The following RARRES2 variants were observed in gnomAD, a reference collection of about 807,000 sequenced individuals.
RARRES2 encodes the protein retinoic acid receptor responder 2, also known as retinoic acid receptor responder protein 2.
In RARRES2, 12 loss-of-function variants were observed where a neutral mutation model predicts 17.9. That is an observed-to-expected ratio of 0.67 (90% CI 0.43 to 1.08). The LOEUF (loss-of-function observed/expected upper bound fraction) is 1.08, where lower values mean the gene tolerates loss of function less well. Among genes scored for constraint, RARRES2 ranks in the 50% least tolerant of loss-of-function variants. The pLI, the probability that RARRES2 is intolerant of heterozygous loss-of-function variation, is 0.00. For synonymous variants in RARRES2, 82 were observed against 86.8 expected, an observed-to-expected ratio of 0.94 and a Z score of 0.31; for missense variants, 220 against 210.1, an observed-to-expected ratio of 1.05 and a Z score of -0.29.
intron 3 of RARRES2, 83 bp from the exon 4 acceptor site, chr7:150,339,164 G>GC: frequency 1.5e-6 from 2 of 1,302,226 alleles, no homozygotes; most frequent in Non-Finnish European, 1.1e-6. Flanking sequence ...AGCCAGGGCT[G>GC]CCCATCATGG....
chr7:150,340,014 C>G, intron 3 of RARRES2, 86 bp downstream of exon 3: 2 of 1,189,888 alleles, frequency 1.7e-6, no homozygotes, highest in South Asian at 1.3e-5. Context: ...TGCATGCACA[C>G]CCAGGCATGT....
chr7:150,340,700 G>C lies in RARRES2; in HGVS notation c.-20-71C>G, dbSNP rs1033227134. On this transcript the variant is annotated intron_variant, in intron 1 of 5. Coordinates refer to ENST00000223271, the MANE Select transcript of RARRES2 (RefSeq NM_002889.4). ...CCGCCTCCTCCCGCGCCCTGCTCTG[G>C]GGGGAGGGTGGGGAGCGGGGGCGGG... 2.5e-5 allele frequency: 33 copies of C among 1,318,152 alleles called. No homozygotes were observed. The Middle Eastern group carries it at 1.1e-3, about 44-fold the overall frequency. 81.7% of individuals were successfully genotyped at this position (1,318,152 alleles called of 1,614,324 possible).
intron 1 of RARRES2, chr7:150,340,971 T>G: frequency 5.5e-6 from 1 of 183,058 alleles, no homozygotes; most frequent in Non-Finnish European, 1.1e-5. Flanking sequence ...CCCACTCTCC[T>G]CCCTGCCGTC....
chr7:150,340,658 C>A (rs1405369011), intron 1 of RARRES2, 29 bp from the exon 2 acceptor site: 2 of 1,443,146 alleles, frequency 1.4e-6, no homozygotes, highest in Admixed American at 5.1e-5. Flanking sequence ...CCCCTCAGCT[C>A]TCCGAGCCAG....
intron 2 of RARRES2, 35 bp from the exon 3 acceptor site, chr7:150,340,239 A>G (rs759905550): frequency 1.8e-5 from 29 of 1,606,556 alleles, no homozygotes; most frequent in Non-Finnish European, 2.4e-5. Context: ...GATGGCCGGT[A>G]GCCAGCTGAG....
At chr7:150,338,558 T>G (rs1798392485) in intron 5 of RARRES2, 57 bp downstream of exon 5, 2 of 1,530,488 alleles carry the variant, frequency 1.3e-6, no homozygotes, top group Non-Finnish European at 1.8e-6. Context: ...GCCCAGCCCC[T>G]CAGCATTCCC....
In RARRES2 at chr7:150,338,971, C is replaced by T. The variant is rs1273065981; in HGVS notation, c.375+15G>A. Reference sequence around the variant, plus strand: ...CCAGCCCTGTCACCACCTGTGCACCCTTGCCCCTTCTTACCCGCAGAACTT... The same window carrying T: ...CCAGCCCTGTCACCACCTGTGCACCTTTGCCCCTTCTTACCCGCAGAACTT... On this transcript the variant is annotated intron_variant, in intron 4 of 5. Transcript: ENST00000223271. The T allele has an allele frequency of 6.3e-7, 1 of 1,585,908 alleles. No individual in the cohort carries two copies. The highest frequency in any genetic ancestry group is 8.7e-7 in the Non-Finnish European group (1 of 1,154,410).
At position 150,338,632 on chromosome 7, in the gene RARRES2, C is replaced by T. The variant is rs138967698; in HGVS notation, c.485G>A (p.Arg162His). 2,715 of 1,554,450 alleles carry T rather than the reference C, an allele frequency of 1.7e-3. 4 individuals are homozygous for T. The highest frequency in any genetic ancestry group is 3.0e-3 in the Middle Eastern group (18 of 5,978). The change falls in exon 5 of 6, where the codon CGC becomes CAC. Residue 162 changes from arginine to histidine, a missense_variant. Arg to His is a conservative substitution (Grantham distance 29). Coordinates refer to ENST00000223271, the MANE Select transcript of RARRES2 (RefSeq NM_002889.4). ...GTGCCTACCAGTGCTGGCTTAGCTG[C>T]GGGGCAGGGCCTTGGAGAAGGCGAA... ...GQFAFSKALP[R>H]S
chr7:150,341,098 CCGGG>C (rs1300173649), intron 1 of RARRES2: 1 of 154,314 alleles, frequency 6.5e-6, no homozygotes, highest in African/African-American at 2.4e-5. Context: ...TCCAGGCCAG[CCGGG>C]GGAAGGGGCA....
At position 150,339,023 on chromosome 7, in the gene RARRES2, C is replaced by T. The variant is rs369499714; in HGVS notation, c.338G>A (p.Arg113Gln). The change falls in exon 4 of 6, where the codon CGG becomes CAG. Residue 113 changes from arginine to glutamine, a missense_variant. Physicochemically the swap from Arg to Gln is conservative, Grantham distance 43. Coordinates refer to ENST00000223271, the MANE Select transcript of RARRES2 (RefSeq NM_002889.4). Reference sequence around the variant, plus strand: ...GGTCTCTATGGGGCAGTGGACCAACCGGCCCAGAACTTTGTCCTCAGAGCC... The same window carrying T: ...GGTCTCTATGGGGCAGTGGACCAACTGGCCCAGAACTTTGTCCTCAGAGCC... ...KLGSEDKVLG[R>Q]LVHCPIETQV... 2.0e-4 allele frequency: 322 copies of T among 1,613,184 alleles called. No individual in the cohort carries two copies. Among genetic ancestry groups the T allele is most frequent in the Non-Finnish European group, 2.6e-4 (305 of 1,179,300 alleles).
Position 150,338,964 on chromosome 7 carries a change from G to C in RARRES2, c.375+22C>G, listed in dbSNP as rs977709149. On this transcript the variant is annotated intron_variant, in intron 4 of 5. Coordinates refer to ENST00000223271, the MANE Select transcript of RARRES2 (RefSeq NM_002889.4). ...CATCTTCCCAGCCCTGTCACCACCT[G>C]TGCACCCTTGCCCCTTCTTACCCGC... The C allele has an allele frequency of 2.5e-6, 4 of 1,576,702 alleles. No individual in the cohort carries two copies. In the East Asian group the frequency reaches 6.7e-5, roughly 26 times the overall value.
At chr7:150,339,178 C>G (rs1360639962) in intron 3 of RARRES2, 97 bp from the exon 4 acceptor site, 2 of 1,196,104 alleles carry the variant, frequency 1.7e-6, no homozygotes, top group Non-Finnish European at 2.4e-6. Context: ...ATCATGGGAC[C>G]AGATCCCCAA....
intron 3 of RARRES2, 142 bp from the exon 4 acceptor site, chr7:150,339,223 A>AG (rs1310200888): frequency 1.4e-6 from 1 of 740,144 alleles, no homozygotes; most frequent in Non-Finnish European, 2.3e-6. Context: ...GAGGTCATGC[A>AG]GGCCAGCAGG....
chr7:150,340,834 C>T lies in RARRES2; in HGVS notation c.-20-205G>A, dbSNP rs1798470753. The T allele has an allele frequency of 2.0e-5, 10 of 509,272 alleles. No individual in the cohort carries two copies. In the South Asian group the frequency reaches 3.2e-4, roughly 16 times the overall value. The allele number at this position is 509,272 out of a possible 1,614,324, so 31.5% of individuals were successfully genotyped here. A position where few individuals can be genotyped will look rare whatever the true frequency, so the allele number is the denominator to read the frequency against. On this transcript the variant is annotated intron_variant, in intron 1 of 5. Coordinates refer to ENST00000223271, the MANE Select transcript of RARRES2 (RefSeq NM_002889.4). Reference sequence around the variant, plus strand: ...CCTCTCCGTTCCCTCCCACCCTGCCCGCGCTGTTCCCTGGGGCCTGCAGTT... The same window carrying T: ...CCTCTCCGTTCCCTCCCACCCTGCCTGCGCTGTTCCCTGGGGCCTGCAGTT...
In RARRES2 at chr7:150,340,636, A is replaced by G; in HGVS notation, c.-20-7T>C. On this transcript the variant is annotated splice_polypyrimidine_tract_variant and splice_region_variant and intron_variant, in intron 1 of 5. Coordinates refer to ENST00000223271, the MANE Select transcript of RARRES2 (RefSeq NM_002889.4). ...CTTCCGTGTCACCCTGGCCCTGCGA[A>G]GCGGGTGTGCGCCCCTCAGCTCTCC... The G allele has an allele frequency of 6.8e-7, 1 of 1,477,632 alleles. No homozygotes were observed. The highest frequency in any genetic ancestry group is 9.0e-7 in the Non-Finnish European group (1 of 1,112,388). The allele number at this position is 1,477,632 out of a possible 1,614,324, so 91.5% of individuals were successfully genotyped here.
chr7:150,340,322 T>A, intron 2 of RARRES2, 114 bp downstream of exon 2: 1 of 1,541,886 alleles, frequency 6.5e-7, no homozygotes, highest in Non-Finnish European at 8.8e-7. Context: ...GACAGTGGCC[T>A]TTTCTCCAAA....
Position 150,338,459 on chromosome 7 carries a change from G to A in RARRES2, c.*11-20C>T. On this transcript the variant is annotated intron_variant, in intron 5 of 5. Transcript: ENST00000223271. ...GCATCTCTAGACAAAAGGGGAAACA[G>A]GTTTGGGGGTGAGGGAGGTTGCTTC... 6.5e-7 allele frequency: 1 copy of A among 1,529,196 alleles called. No homozygotes were observed. The highest frequency in any genetic ancestry group is 8.8e-7 in the Non-Finnish European group (1 of 1,140,918). 94.7% of individuals were successfully genotyped at this position (1,529,196 alleles called of 1,614,324 possible). A position where few individuals can be genotyped will look rare whatever the true frequency, so the allele number is the denominator to read the frequency against.
intron 1 of RARRES2, 93 bp from the exon 2 acceptor site, chr7:150,340,722 C>G (rs1585054307): frequency 1.8e-6 from 2 of 1,116,288 alleles, no homozygotes; most frequent in African/African-American, 3.3e-5. Flanking sequence ...GGAGCGGGGG[C>G]GGGGTCCAGG....
chr7:150,338,763 C>G (rs1470207500), intron 4 of RARRES2, 22 bp from the exon 5 acceptor site: 1 of 1,560,982 alleles, frequency 6.4e-7, no homozygotes, highest in East Asian at 2.4e-5. Context: ...CAAAACTGTT[C>G]AGGCAGTGTA....
Sources: gnomAD v4.1 joint callset for allele counts on GRCh38, gnomAD v4.1.1 for gene constraint, MANE v1.5 for transcripts, NCBI Gene and HGNC (gene_info 2026-07-23, HGNC 2026-07-21) for gene names.